Variants in NPHP4 observed in about 807,000 individuals in gnomAD.
NPHP4 encodes the protein nephrocystin-4.
In NPHP4, 151 loss-of-function variants were observed where a neutral mutation model predicts 155.8. That is an observed-to-expected ratio of 0.97 (90% CI 0.85 to 1.11). The LOEUF (loss-of-function observed/expected upper bound fraction) is 1.11, where lower values mean the gene tolerates loss of function less well. Ranked by LOEUF, NPHP4 falls within the 50% of genes least tolerant of loss-of-function variation. NPHP4 has a pLI of 0.00. For synonymous variants in NPHP4, 845 were observed against 816.8 expected, an observed-to-expected ratio of 1.03 and a Z score of -0.59; for missense variants, 1,956 against 1,925.7, an observed-to-expected ratio of 1.02 and a Z score of -0.29.
chr1:5,978,614 C>T (rs549642035), intron 2 of NPHP4, among the ~76,000 whole-genome samples: 7 of 152,246 alleles, frequency 4.6e-5, no homozygotes, highest in East Asian at 1.9e-4. Flanking sequence ...CCCTGGCCAA[C>T]GAAAGACTGC....
Position 5,904,805 on chromosome 1 carries a change from C to G in NPHP4, c.1956-1G>C, listed in dbSNP as rs754819441. ...TGTTCCTCGGCAGTCCTGGGCCACTCTGAATCCAACAACAGCTCTGGGTTA... is the reference window on the plus strand; with the variant it reads ...TGTTCCTCGGCAGTCCTGGGCCACTGTGAATCCAACAACAGCTCTGGGTTA... On this transcript the variant is annotated splice_acceptor_variant, in intron 15 of 29. Transcript: ENST00000378156. LOFTEE classifies it high-confidence loss of function. The G allele has an allele frequency of 1.9e-6, 3 of 1,613,776 alleles. No homozygotes were observed. Among genetic ancestry groups the G allele is most frequent in the Non-Finnish European group, 2.5e-6 (3 of 1,179,808 alleles).
chr1:5,874,774 C>A lies in NPHP4; in HGVS notation c.3044+100G>T, dbSNP rs1210008779. ...GGAGTGGGAGAGAGAAGTCAAATCG[C>A]CCCGGCTCTCGGGCAGAATTCGAGC... is the stretch of plus-strand genomic sequence containing the variant. On this transcript the variant is annotated intron_variant, in intron 21 of 29. Coordinates refer to ENST00000378156, the MANE Select transcript of NPHP4 (RefSeq NM_015102.5). 3.9e-6 allele frequency: 6 copies of A among 1,522,928 alleles called. No individual in the cohort carries two copies. The East Asian group carries it at 1.4e-4, about 35-fold the overall frequency. The allele number at this position is 1,522,928 out of a possible 1,614,324, so 94.3% of individuals were successfully genotyped here.
At chr1:5,942,530 C>CAAAAAAA (rs71568632) in intron 9 of NPHP4, among the ~76,000 whole-genome samples, 1 of 19,740 alleles carries the variant, frequency 5.1e-5, no homozygotes, top group African/African-American at 1.6e-4. Flanking sequence ...GACTCCATCT[C>CAAAAAAA]AAAAAAAAAA....
chr1:5,949,369 C>CACACACACACACACACACA (rs1047844844), intron 7 of NPHP4, among the ~76,000 whole-genome samples: 2 of 151,826 alleles, frequency 1.3e-5, no homozygotes, highest in African/African-American at 4.8e-5. Context: ...CACACACACA[C>CACACACACACACACACACA]AACTTGCTAA....
rs575682989 is a variant in NPHP4, at chr1:5,979,337, G to GGGGCA, written c.136-929_136-925dup. ...GAACGGGGAGAGAGGTGGGTGGGGCGGGGCAGGGCAGGGCAGGGCAGGCTC... is the reference window on the plus strand; with the variant it reads ...GAACGGGGAGAGAGGTGGGTGGGGCGGGGCAGGGCAGGGCAGGGCAGGGCAGGCTC... On this transcript the variant is annotated intron_variant, in intron 2 of 29. Transcript: ENST00000378156. Among the ~76,000 whole-genome samples, 772 of 151,986 alleles carry GGGGCA rather than the reference G, an allele frequency of 5.1e-3. 12 individuals carry two copies. The highest frequency in any genetic ancestry group is 0.017 in the African/African-American group (701 of 41,368).
At chr1:5,954,572 G>A (rs1254754357) in intron 6 of NPHP4, among the ~76,000 whole-genome samples, 1 of 152,102 alleles carries the variant, frequency 6.6e-6, no homozygotes, top group Non-Finnish European at 1.5e-5. Flanking sequence ...TTTTTAAAGA[G>A]GTGCCAAGAA....
rs371647995 is a variant in NPHP4, at chr1:5,887,413, G to A, written c.2358C>T (p.Val786=). The A allele has an allele frequency of 6.1e-5, 99 of 1,613,232 alleles. No homozygotes were observed. The highest frequency in any genetic ancestry group is 7.9e-5 in the Non-Finnish European group (93 of 1,179,900). ...PAVQASHELE[V]VATEYEQDNM... ...TGTCCTGCTCGTATTCAGTTGCCAC[G>A]ACCTCAAGCTCGTGGGAGGCCTGCA... The change falls in exon 18 of 30, where the codon GTC becomes GTT. Residue 786 remains valine (V), a synonymous_variant. Transcript: ENST00000378156.
At position 5,867,917 on chromosome 1, in the gene NPHP4, G is replaced by T. The variant is rs1297349728; in HGVS notation, c.3316-21C>A. On this transcript the variant is annotated intron_variant, in intron 23 of 29. Transcript: ENST00000378156. The surrounding 1 kb of genome is among the most constrained non-coding windows in gnomAD (Gnocchi z 4.1). ...AAGACCTGTGAGGAGGCCACGCTGA[G>T]TGTTGGGATGGGCACGAGGCTTGTG... 1 of 1,613,874 alleles carries T rather than the reference G, an allele frequency of 6.2e-7. No individual in the cohort carries two copies.
intron 4 of NPHP4, among the ~76,000 whole-genome samples, chr1:5,967,846 C>G (rs930711537): frequency 2.6e-5 from 4 of 152,072 alleles, no homozygotes; most frequent in Admixed American, 2.0e-4. Context: ...CATCCTACAG[C>G]ACAGACGACA....
intron 7 of NPHP4, among the ~76,000 whole-genome samples, chr1:5,951,710 G>C (rs919893318): frequency 9.2e-5 from 14 of 152,228 alleles, no homozygotes; most frequent in African/African-American, 3.4e-4. Flanking sequence ...ACCAAGGACA[G>C]ATTATCGCCT....
At chr1:5,863,649 C>A in intron 29 of NPHP4, 1 of 622,798 alleles carries the variant, frequency 1.6e-6, no homozygotes, top group East Asian at 2.7e-5. Flanking sequence ...AGCTGTCTAA[C>A]ATTACCATGA....
chr1:5,985,345 C>A (rs1337978974), intron 2 of NPHP4, among the ~76,000 whole-genome samples: 2 of 152,236 alleles, frequency 1.3e-5, no homozygotes, highest in African/African-American at 4.8e-5. Context: ...GTCCCGTGGG[C>A]AGCAGCACAG....
intron 16 of NPHP4, among the ~76,000 whole-genome samples, chr1:5,896,873 G>A (rs755784499): frequency 1.4e-4 from 21 of 152,122 alleles, no homozygotes; most frequent in Non-Finnish European, 1.9e-4. Context: ...AATCAGAGCC[G>A]GTGAAAGGCC....
Position 5,880,198 on chromosome 1 carries a change from G to A in NPHP4, c.2527C>T (p.Pro843Ser), listed in dbSNP as rs775263560. Residue 843 changes from proline to serine, a missense_variant, in exon 19 of 30, where the codon CCA (proline) becomes TCA (serine). Pro to Ser is a moderately conservative substitution (Grantham distance 74). Transcript: ENST00000378156. ...EQKVRGCSTL[P>S]PSRSRVISND... is the part of the protein sequence containing the mutation. ...GAGATGACCCGAGATCTGGACGGTGGCAATGTGCTACAACCTCTCACTTTC... is the reference window on the plus strand; with the variant it reads ...GAGATGACCCGAGATCTGGACGGTGACAATGTGCTACAACCTCTCACTTTC... 1 of 1,613,642 alleles carries A rather than the reference G, an allele frequency of 6.2e-7. No homozygotes were observed. The highest frequency in any genetic ancestry group is 8.5e-7 in the Non-Finnish European group (1 of 1,179,726).
intron 3 of NPHP4, among the ~76,000 whole-genome samples, chr1:5,973,013 T>C (rs558364399): frequency 2.0e-5 from 3 of 152,324 alleles, no homozygotes; most frequent in African/African-American, 4.8e-5. Flanking sequence ...GCCTCCCAAG[T>C]AGCTGGGATT....
chr1:5,950,496 C>T (rs1400354805), intron 7 of NPHP4, among the ~76,000 whole-genome samples: 1 of 152,196 alleles, frequency 6.6e-6, no homozygotes, highest in Non-Finnish European at 1.5e-5. Flanking sequence ...AAAGCCATAC[C>T]CTTTGTCCTG....
chr1:5,906,042 G>A (rs559461838), intron 13 of NPHP4, among the ~76,000 whole-genome samples: 3 of 152,310 alleles, frequency 2.0e-5, no homozygotes, highest in African/African-American at 7.2e-5. Flanking sequence ...ATTTAACTGG[G>A]CATCCTATAT....
At position 5,888,493 on chromosome 1, in the gene NPHP4, G is replaced by A; in HGVS notation, c.2305-1027C>T. 4 of 1,260,610 alleles carry A rather than the reference G, an allele frequency of 3.2e-6. No individual in the cohort carries two copies. In the South Asian group the frequency reaches 4.1e-5, roughly 13 times the overall value. 78.1% of individuals were successfully genotyped at this position (1,260,610 alleles called of 1,614,324 possible). ...TCCCTTGTGGGTCTGGGGGCTTCCGGTCGCCGCAGACCCTGGTCGCTTTGC... is the reference window on the plus strand; with the variant it reads ...TCCCTTGTGGGTCTGGGGGCTTCCGATCGCCGCAGACCCTGGTCGCTTTGC... On this transcript the variant is annotated intron_variant, in intron 17 of 29. Transcript: ENST00000378156.
intron 1 of NPHP4, among the ~76,000 whole-genome samples, chr1:5,986,542 C>G (rs1023248317): frequency 2.0e-5 from 3 of 152,104 alleles, no homozygotes; most frequent in Non-Finnish European, 4.4e-5. Context: ...GAAAAATAAA[C>G]GTAGATATAT....
Sources: allele counts gnomAD v4.1 joint callset (sites outside exome capture counted in the v4.1 genomes callset), GRCh38; gene constraint gnomAD v4.1.1; non-coding constraint Gnocchi (gnomAD v3.1); transcripts MANE v1.5; gene names NCBI Gene and HGNC (gene_info 2026-07-23, HGNC 2026-07-21).